Variants in NOL7 observed in about 807,000 individuals in gnomAD.
The protein encoded by NOL7 is nucleolar protein 7.
NOL7 carries 36 observed loss-of-function variants against 38.4 expected under a neutral mutation model. The observed-to-expected ratio is 0.94, with a 90% CI of 0.72 to 1.24. The LOEUF (loss-of-function observed/expected upper bound fraction) is 1.24, where lower values mean the gene tolerates loss of function less well. NOL7 is among the 50% of genes most tolerant of loss of function. NOL7 has a pLI of 0.00. For missense variants in NOL7, 350 were observed against 315.1 expected, an observed-to-expected ratio of 1.11 and a Z score of -0.84; for synonymous variants, 142 against 126.5, an observed-to-expected ratio of 1.12 and a Z score of -0.82.
At chr6:13,618,210 G>T (rs1764338306) in intron 5 of NOL7, 71 bp downstream of exon 5, 1 of 530,680 alleles carries the variant, frequency 1.9e-6, no homozygotes, top group African/African-American at 2.0e-5. Context: ...GGCTAACATG[G>T]GAAAATATTT....
At position 13,621,042 on chromosome 6, in the gene NOL7, A is replaced by C. The variant is rs942502229; in HGVS notation, c.*215A>C. The C allele has an allele frequency of 9.1e-6, 3 of 329,188 alleles. No individual in the cohort carries two copies. The highest frequency in any genetic ancestry group is 6.4e-5 in the African/African-American group (3 of 46,832). 20.4% of individuals were successfully genotyped at this position (329,188 alleles called of 1,614,324 possible). On this transcript the variant is annotated 3_prime_UTR_variant, in exon 8 of 8. Transcript: ENST00000451315. ...GTTTTCTTTTTAATATATTTAACTG[A>C]ATTCAAGCCATACCCACATCAGCAA...
chr6:13,623,166 A>G (rs2127756969), downstream of NOL7, among the ~76,000 whole-genome samples: 1 of 152,328 alleles, frequency 6.6e-6, no homozygotes, highest in East Asian at 1.9e-4. Context: ...GCAATAATTA[A>G]CAAAATTTGT....
intron 2 of NOL7, 109 bp downstream of exon 2, chr6:13,615,881 C>A: frequency 5.4e-6 from 6 of 1,110,454 alleles, no homozygotes; most frequent in East Asian, 2.5e-5. Flanking sequence ...AAACAGTCAC[C>A]AAGATTGCCT....
chr6:13,630,775 C>T (rs973383034), intron 8 of NOL7, among the ~76,000 whole-genome samples: 1 of 152,024 alleles, frequency 6.6e-6, no homozygotes, highest in Non-Finnish European at 1.5e-5. Flanking sequence ...ATACAGCTCA[C>T]CTATTAAACC....
chr6:13,618,265 G>A, intron 5 of NOL7, 126 bp downstream of exon 5: 1 of 278,746 alleles, frequency 3.6e-6, no homozygotes, highest in East Asian at 7.6e-5. Context: ...TTTTGAGACG[G>A]AGTCTCGCTC....
At chr6:13,618,870 GAC>G (rs1484361190) in intron 5 of NOL7, among the ~76,000 whole-genome samples, 1 of 152,044 alleles carries the variant, frequency 6.6e-6, no homozygotes, top group Non-Finnish European at 1.5e-5. Context: ...CAGCCTGAGC[GAC>G]AGAGTGAGAC....
downstream of NOL7, among the ~76,000 whole-genome samples, chr6:13,623,048 T>A (rs1410124380): frequency 6.6e-6 from 1 of 152,192 alleles, no homozygotes; most frequent in African/African-American, 2.4e-5. Flanking sequence ...CCCACAGTTT[T>A]GGAGGTGCTA....
chr6:13,620,229 CG>C lies in NOL7; in HGVS notation c.523del (p.Val175Ter), dbSNP rs771886872. ...SVSQNKSYLA[V>X]RLKDQDLRDS... ...ACAGCCAGAATAAAAGCTACTTGGC[CG>C]TAAGGCTAAAAGACCAAGATCTGAG... On this transcript the variant is annotated frameshift_variant, in exon 6 of 8. Coordinates refer to ENST00000451315, the MANE Select transcript of NOL7 (RefSeq NM_016167.5). LOFTEE classifies it high-confidence loss of function. 6.2e-7 allele frequency: 1 copy of C among 1,613,326 alleles called. No individual in the cohort carries two copies. Among genetic ancestry groups the C allele is most frequent in the Non-Finnish European group, 8.5e-7 (1 of 1,179,782 alleles).
At chr6:13,627,963 G>A (rs1764666131) in intron 8 of NOL7, among the ~76,000 whole-genome samples, 1 of 151,848 alleles carries the variant, frequency 6.6e-6, no homozygotes, top group Non-Finnish European at 1.5e-5. Context: ...CATGTACCCT[G>A]GAACTTAAAG....
Position 13,619,975 on chromosome 6 carries a change from T to C in NOL7, c.501-233T>C, listed in dbSNP as rs12111462. Reference sequence around the variant, plus strand: ...TTCGAGACCAGCCTGGCCAACATGGTGAAACCCCGTCTCTACTGAAAATAA... The same window carrying C: ...TTCGAGACCAGCCTGGCCAACATGGCGAAACCCCGTCTCTACTGAAAATAA... On this transcript the variant is annotated intron_variant, in intron 5 of 7. Transcript: ENST00000451315. Among the ~76,000 whole-genome samples, 1,090 of 152,146 alleles carry C rather than the reference T, an allele frequency of 7.2e-3. 7 individuals carry two copies. The highest frequency in any genetic ancestry group is 0.025 in the African/African-American group (1,018 of 41,504).
downstream of NOL7, among the ~76,000 whole-genome samples, chr6:13,623,594 C>A (rs989390254): frequency 2.0e-5 from 3 of 152,132 alleles, no homozygotes; most frequent in Non-Finnish European, 4.4e-5. Context: ...AGACAAACAT[C>A]TACAGGGAAT....
At chr6:13,628,789 A>G (rs978434399) in intron 8 of NOL7, among the ~76,000 whole-genome samples, 8 of 152,256 alleles carry the variant, frequency 5.3e-5, no homozygotes, top group African/African-American at 1.9e-4. Flanking sequence ...GCAAATAAGC[A>G]ATTTTAAGAT....
chr6:13,622,960 C>T (rs1764495731), downstream of NOL7, among the ~76,000 whole-genome samples: 1 of 152,142 alleles, frequency 6.6e-6, no homozygotes, highest in African/African-American at 2.4e-5. Flanking sequence ...ATCTCCAAGG[C>T]ATATATAGGT....
intron 2 of NOL7, 45 bp downstream of exon 2, chr6:13,615,817 A>C: frequency 3.8e-6 from 6 of 1,565,842 alleles, no homozygotes; most frequent in South Asian, 1.2e-5. Flanking sequence ...AACTCGGCTC[A>C]GGGAGAATTC....
At chr6:13,620,695 A>G in intron 7 of NOL7, 59 bp from the exon 8 acceptor site, 1 of 1,208,948 alleles carries the variant, frequency 8.3e-7, no homozygotes, top group Non-Finnish European at 1.2e-6. Flanking sequence ...TAGAGTAATT[A>G]AAAAAATTTT....
chr6:13,630,691 A>G (rs1166508265), intron 8 of NOL7, among the ~76,000 whole-genome samples: 1 of 152,096 alleles, frequency 6.6e-6, no homozygotes, highest in African/African-American at 2.4e-5. Context: ...TCCTCTGACT[A>G]TATAGTGGAA....
Position 13,615,694 on chromosome 6 carries a change from T to TA in NOL7, c.267-17dup, listed in dbSNP as rs1246971299. 2 of 1,614,024 alleles carry TA rather than the reference T, an allele frequency of 1.2e-6. No individual in the cohort carries two copies. Among genetic ancestry groups the TA allele is most frequent in the Admixed American group, 3.3e-5 (2 of 60,014 alleles). On this transcript the variant is annotated splice_polypyrimidine_tract_variant and intron_variant, in intron 1 of 7. Transcript: ENST00000451315. ...CCGCTTGTCCTTCCCTTTGCTGACTTATCACCCTTCCTCCCAGGGATAAAA... is the reference window on the plus strand; with the variant it reads ...CCGCTTGTCCTTCCCTTTGCTGACTTAATCACCCTTCCTCCCAGGGATAAAA...
At chr6:13,631,011 G>T (rs557517566) in intron 8 of NOL7, among the ~76,000 whole-genome samples, 1 of 151,948 alleles carries the variant, frequency 6.6e-6, no homozygotes, top group Non-Finnish European at 1.5e-5. Context: ...GGGTTTCACC[G>T]TGTTAGCAGG....
intron 3 of NOL7, among the ~76,000 whole-genome samples, chr6:13,617,191 A>C (rs1251896687): frequency 6.6e-6 from 1 of 151,948 alleles, no homozygotes; most frequent in Non-Finnish European, 1.5e-5. Flanking sequence ...TTGGTGGCAA[A>C]TTCCCTTTCA....
Sources: allele counts gnomAD v4.1 joint callset (sites outside exome capture counted in the v4.1 genomes callset), GRCh38; gene constraint gnomAD v4.1.1; transcripts MANE v1.5; gene names NCBI Gene and HGNC (gene_info 2026-07-23, HGNC 2026-07-21).